The following AMMECR1 variants were observed in gnomAD, a reference collection of about 807,000 sequenced individuals.
The protein encoded by AMMECR1 is AMMECR nuclear protein 1.
A neutral mutation model predicts 22.5 loss-of-function variants in AMMECR1; 3 were observed. The observed-to-expected ratio is 0.13, with a 90% CI of 0.06 to 0.35. The LOEUF (loss-of-function observed/expected upper bound fraction) is 0.35, where lower values mean the gene tolerates loss of function less well. Ranked by LOEUF, AMMECR1 falls within the 10% of genes least tolerant of loss-of-function variation. The pLI is 1.00. For missense variants in AMMECR1, 235 were observed against 278.7 expected (o/e 0.84, Z 1.12); for synonymous variants, 130 against 116.7 (o/e 1.11, Z -0.74).
chrX:110,320,467 G>C (rs1171528118), upstream of AMMECR1, among the ~76,000 whole-genome samples: 2 of 112,131 alleles, frequency 1.8e-5, no homozygotes, highest in African/African-American at 6.5e-5. Context: ...AGCAAAGTAG[G>C]ATACCATGGA....
chrX:110,330,385 C>G (rs903211568), intron 2 of AMMECR1, among the ~76,000 whole-genome samples: 1 of 111,370 alleles, frequency 9.0e-6, no homozygotes, highest in Non-Finnish European at 1.9e-5. Context: ...CTCTCTCTAC[C>G]TATGGTCTAG....
chrX:110,308,512 A>T (rs760118801), intron 1 of AMMECR1, among the ~76,000 whole-genome samples: 3 of 111,597 alleles, frequency 2.7e-5, no homozygotes, highest in African/African-American at 6.5e-5. Flanking sequence ...CACAAACCAC[A>T]TATCACCCAC....
chrX:110,306,160 G>A (rs1395564894), intron 1 of AMMECR1, among the ~76,000 whole-genome samples: 1 of 107,067 alleles, frequency 9.3e-6, no homozygotes, highest in East Asian at 2.9e-4. Context: ...GCTTGGTGGC[G>A]GGCACCTGTG....
chrX:110,333,965 TAAAATA>T, intron 2 of AMMECR1, among the ~76,000 whole-genome samples: 1 of 110,949 alleles, frequency 9.0e-6, no homozygotes, highest in Non-Finnish European at 1.9e-5. Context: ...CCCCAGAACT[TAAAATA>T]AAATAAAATA....
At chrX:110,218,453 T>C (rs2067485080) in intron 2 of AMMECR1, among the ~76,000 whole-genome samples, 1 of 110,508 alleles carries the variant, frequency 9.0e-6, no homozygotes, top group East Asian at 2.8e-4. Flanking sequence ...ATTTGTTGGG[T>C]ATCTATCACT....
intron 2 of AMMECR1, among the ~76,000 whole-genome samples, chrX:110,230,351 G>T (rs186162171): frequency 1.1e-3 from 122 of 112,360 alleles, no homozygotes; most frequent in Middle Eastern, 4.6e-3. Flanking sequence ...AATATTTGCT[G>T]TTCTGTAGCC....
intron 1 of AMMECR1, among the ~76,000 whole-genome samples, chrX:110,272,352 G>A (rs911060585): frequency 1.6e-4 from 18 of 111,826 alleles, no homozygotes; most frequent in African/African-American, 5.2e-4. Context: ...AGAAATTTTA[G>A]AATGAATATT....
chrX:110,388,224 A>G (rs2068471578), intron 2 of AMMECR1, among the ~76,000 whole-genome samples: 1 of 111,554 alleles, frequency 9.0e-6, no homozygotes, highest in Non-Finnish European at 1.9e-5. Flanking sequence ...GGCCCACATC[A>G]AGTTTTTCTA....
At chrX:110,264,746 A>T (rs2067758943) in intron 1 of AMMECR1, 147 bp from the exon 2 acceptor site, 1 of 394,019 alleles carries the variant, frequency 2.5e-6, no homozygotes, top group African/African-American at 2.6e-5. Context: ...GCCCAATAGG[A>T]CTACATTTAG....
At chrX:110,220,352 C>T (rs2067494255) in intron 2 of AMMECR1, among the ~76,000 whole-genome samples, 2 of 111,737 alleles carry the variant, frequency 1.8e-5, no homozygotes, top group South Asian at 7.4e-4. Flanking sequence ...AATAATCATT[C>T]AGCAGCACTC....
chrX:110,220,451 T>C (rs1288051749), intron 2 of AMMECR1, among the ~76,000 whole-genome samples: 1 of 111,626 alleles, frequency 9.0e-6, no homozygotes, highest in African/African-American at 3.2e-5. Context: ...ATACTGTCCA[T>C]AGAAAGCATT....
rs545142985 is a variant in AMMECR1, at chrX:110,343,277, C to T, written c.-147-25428G>A. Among the ~76,000 whole-genome samples the T allele has an allele frequency of 3.7e-4, 41 of 111,386 alleles. No individual in the cohort carries two copies. In the South Asian group the frequency reaches 5.3e-3, roughly 14 times the overall value. On this transcript the variant is annotated intron_variant, in intron 2 of 7. Transcript: ENST00000372057. ...TCTCAATAGATGCAGAAAAGGCCTTCGACAAAATTCAACAGCCCGTCATGC... is the reference window on the plus strand; with the variant it reads ...TCTCAATAGATGCAGAAAAGGCCTTTGACAAAATTCAACAGCCCGTCATGC...
At chrX:110,305,226 T>C (rs922853826) in intron 1 of AMMECR1, among the ~76,000 whole-genome samples, 3 of 112,164 alleles carry the variant, frequency 2.7e-5, no homozygotes, top group African/African-American at 9.7e-5. Context: ...AATGAAATAT[T>C]AGAACCAGTC....
intron 1 of AMMECR1, among the ~76,000 whole-genome samples, chrX:110,267,890 G>A (rs1412685488): frequency 1.8e-5 from 2 of 111,700 alleles, no homozygotes; most frequent in Admixed American, 1.9e-4. Flanking sequence ...AACATAAGAT[G>A]GGAGAAATTA....
chrX:110,245,273 C>T (rs1453401774), intron 2 of AMMECR1, among the ~76,000 whole-genome samples: 4 of 111,962 alleles, frequency 3.6e-5, no homozygotes, highest in Non-Finnish European at 7.5e-5. Flanking sequence ...ATCCCTTCTC[C>T]TTCTGTAACC....
intron 2 of AMMECR1, chrX:110,219,328 G>C: frequency 1.3e-6 from 1 of 748,292 alleles, no homozygotes; most frequent in Non-Finnish European, 1.6e-6. Flanking sequence ...TTTGAATATA[G>C]TGCTAGACCT....
intron 3 of AMMECR1, among the ~76,000 whole-genome samples, chrX:110,202,905 T>C (rs2067404049): frequency 8.9e-6 from 1 of 111,855 alleles, no homozygotes; most frequent in Non-Finnish European, 1.9e-5. Context: ...TTCAAAGAGA[T>C]AGCAAACAAC....
chrX:110,219,403 G>A (rs2067489845), intron 2 of AMMECR1: 1 of 751,250 alleles, frequency 1.3e-6, no homozygotes, highest in African/African-American at 2.3e-5. Flanking sequence ...ACATGCTGAA[G>A]TCGCTATACA....
chrX:110,211,353 A>G (rs1302845636), intron 3 of AMMECR1, among the ~76,000 whole-genome samples: 1 of 112,241 alleles, frequency 8.9e-6, no homozygotes, highest in Admixed American at 9.4e-5. Flanking sequence ...GAAAATGAGC[A>G]CCTATGAGGT....
Sources: allele counts gnomAD v4.1 joint callset (sites outside exome capture counted in the v4.1 genomes callset), GRCh38; gene constraint gnomAD v4.1.1; transcripts MANE v1.5; gene names NCBI Gene and HGNC (gene_info 2026-07-23, HGNC 2026-07-21).